PLXNC1: variants seen among roughly 807,000 people sequenced by gnomAD.
PLXNC1 encodes plexin-C1.
PLXNC1 carries 75 observed loss-of-function variants against 178.2 expected under a neutral mutation model. That is an observed-to-expected ratio of 0.42 (90% CI 0.35 to 0.51). The LOEUF (loss-of-function observed/expected upper bound fraction) is 0.51, where lower values mean the gene tolerates loss of function less well. Ranked by LOEUF, PLXNC1 falls within the 20% of genes least tolerant of loss-of-function variation. PLXNC1 has a pLI of 0.02. For synonymous variants in PLXNC1, 790 were observed against 779.9 expected (o/e 1.01, Z -0.22); for missense variants, 1,503 against 1,984.4 (o/e 0.76, Z 4.61).
intron 4 of PLXNC1, chr12:94,186,711 CA>C: frequency 2.2e-6 from 1 of 453,120 alleles, no homozygotes; most frequent in South Asian, 2.3e-5. Flanking sequence ...GGCAGGTGTG[CA>C]GCCTTCAGGA....
chr12:94,219,934 A>T, intron 5 of PLXNC1, 82 bp from the exon 6 acceptor site: 1 of 1,300,498 alleles, frequency 7.7e-7, no homozygotes, highest in Non-Finnish European at 1.1e-6. Flanking sequence ...TGGCAGGTCA[A>T]AGGGTGAGAT....
chr12:94,149,461 G>A lies in PLXNC1; in HGVS notation c.490G>A (p.Gly164Ser), dbSNP rs1960860742. Residue 164 changes from glycine (G) to serine (S), a missense_variant, in exon 1 of 31, where the codon GGC (glycine) becomes AGC (serine). By Grantham distance (56) the Gly-to-Ser change is moderately conservative. This residue lies in a region of PLXNC1 where 73 missense variants were observed against 125.4 expected (regional missense o/e 0.58). Transcript: ENST00000258526. ...VSCHPQGSTA[G>S]VVYRAGRNNR... ...GTGCCACCCGCAGGGCTCGACGGCC[G>A]GCGTGGTGTACCGCGCGGGCCGGAA... 2.7e-6 allele frequency: 4 copies of A among 1,472,162 alleles called. No individual in the cohort carries two copies. The highest frequency in any genetic ancestry group is 3.6e-6 in the Non-Finnish European group (4 of 1,120,106). 91.2% of individuals were successfully genotyped at this position (1,472,162 alleles called of 1,614,324 possible). A position where few individuals can be genotyped will look rare whatever the true frequency, so the allele number is the denominator to read the frequency against.
At chr12:94,300,832 G>A (rs966505663) in intron 27 of PLXNC1, 78 bp from the exon 28 acceptor site, 97 of 1,397,462 alleles carry the variant, frequency 6.9e-5, no homozygotes, top group African/African-American at 2.7e-4. Flanking sequence ...AAAAACACCC[G>A]TTTACAAACT....
chr12:94,162,816 A>G (rs1385484608), intron 1 of PLXNC1, among the ~76,000 whole-genome samples: 4 of 152,160 alleles, frequency 2.6e-5, no homozygotes, highest in African/African-American at 9.7e-5. Context: ...ATTTGTCAGC[A>G]CCTCTGAAAC....
At position 94,305,213 on chromosome 12, in the gene PLXNC1, G is replaced by A. The variant is rs1968880599; in HGVS notation, c.4635G>A (p.Leu1545=). The A allele has an allele frequency of 6.2e-7, 1 of 1,610,416 alleles. No homozygotes were observed. Among genetic ancestry groups the A allele is most frequent in the Non-Finnish European group, 8.5e-7 (1 of 1,177,386 alleles). Residue 1545 remains leucine (L), a synonymous_variant, in exon 31 of 31, where the codon CTG becomes CTA. Coordinates refer to ENST00000258526, the MANE Select transcript of PLXNC1 (RefSeq NM_005761.3). ...ILNKLERERG[L]EEAQKQLLHV... ...ATAAACTAGAAAGAGAACGAGGGCT[G>A]GAAGAAGCTCAGAAACAACTCTTGC...
intron 5 of PLXNC1, among the ~76,000 whole-genome samples, chr12:94,217,814 C>A (rs979515342): frequency 1.3e-5 from 2 of 152,202 alleles, no homozygotes. Flanking sequence ...TATACTTCTA[C>A]TAGTCTATAA....
At chr12:94,278,016 T>G (rs905548982) in intron 21 of PLXNC1, 6 of 456,008 alleles carry the variant, frequency 1.3e-5, no homozygotes, top group Non-Finnish European at 2.2e-5. Flanking sequence ...ACCTGGCTAG[T>G]GTCCACAGTA....
At chr12:94,252,941 G>A (rs776577309) in intron 15 of PLXNC1, among the ~76,000 whole-genome samples, 1 of 152,148 alleles carries the variant, frequency 6.6e-6, no homozygotes, top group East Asian at 1.9e-4. Flanking sequence ...GGCTGGGCCC[G>A]GTGGCTCATG....
chr12:94,244,252 C>T (rs190737938), intron 12 of PLXNC1, among the ~76,000 whole-genome samples: 8 of 152,242 alleles, frequency 5.3e-5, no homozygotes, highest in Admixed American at 2.6e-4. Flanking sequence ...GAACTTGGTA[C>T]GATAAGACCT....
chr12:94,257,511 A>C (rs1964877349), intron 17 of PLXNC1, among the ~76,000 whole-genome samples: 1 of 152,116 alleles, frequency 6.6e-6, no homozygotes, highest in Admixed American at 6.5e-5. Flanking sequence ...CGGTGGCTCA[A>C]GCCTGTAATC....
chr12:94,281,410 C>T (rs1308762273), intron 22 of PLXNC1, among the ~76,000 whole-genome samples: 2 of 152,150 alleles, frequency 1.3e-5, no homozygotes, highest in African/African-American at 2.4e-5. Context: ...GTGTCAGCCG[C>T]CTGGGACTAC....
chr12:94,290,531 C>T (rs1237465117), intron 23 of PLXNC1, among the ~76,000 whole-genome samples: 1 of 152,212 alleles, frequency 6.6e-6, no homozygotes, highest in Non-Finnish European at 1.5e-5. Context: ...CACCCCACCA[C>T]CAAGATATCA....
chr12:94,295,907 A>G (rs950089515), intron 24 of PLXNC1, among the ~76,000 whole-genome samples: 2 of 152,150 alleles, frequency 1.3e-5, no homozygotes, highest in Admixed American at 1.3e-4. Flanking sequence ...TGCACTCTTT[A>G]CAGAGAAAAC....
At position 94,148,896 on chromosome 12, in the gene PLXNC1, C is replaced by T; in HGVS notation, c.-76C>T. 1 of 362,902 alleles carries T rather than the reference C, an allele frequency of 2.8e-6. No homozygotes were observed. The highest frequency in any genetic ancestry group is 3.9e-6 in the Non-Finnish European group (1 of 256,356). 22.5% of individuals were successfully genotyped at this position (362,902 alleles called of 1,614,324 possible). On this transcript the variant is annotated 5_prime_UTR_variant, in exon 1 of 31. Coordinates refer to ENST00000258526, the MANE Select transcript of PLXNC1 (RefSeq NM_005761.3). This position sits in a 1 kb window ranked among gnomAD's most constrained non-coding sequence, Gnocchi z 4.8. ...CGCGCAGGAACCGCCGCCGCCGCCG[C>T]CCGCGTCTCCGTTGCCGCGCGCCTG...
intron 6 of PLXNC1, among the ~76,000 whole-genome samples, chr12:94,222,397 C>T (rs1963821433): frequency 6.6e-6 from 1 of 152,104 alleles, no homozygotes; most frequent in African/African-American, 2.4e-5. Flanking sequence ...GAATGGCTTC[C>T]CCCTTTCACA....
At chr12:94,303,624 T>C (rs981561663) in intron 28 of PLXNC1, 132 bp from the exon 29 acceptor site, 2 of 697,714 alleles carry the variant, frequency 2.9e-6, no homozygotes, top group Non-Finnish European at 2.2e-6. Flanking sequence ...CATGAAGCCT[T>C]GTTAGCAAGA....
Position 94,259,634 on chromosome 12 carries a change from G to GA in PLXNC1, c.3154dup (p.Ser1052LysfsTer11). 1 of 1,609,092 alleles carries GA rather than the reference G, an allele frequency of 6.2e-7. No individual in the cohort carries two copies. Among genetic ancestry groups the GA allele is most frequent in the Non-Finnish European group, 8.5e-7 (1 of 1,177,134 alleles). ...GAACAGAGACGCCAACGACAAGAATGAAAGTCTCACAGCTTTGGATGCCCT... is the reference window on the plus strand; with the variant it reads ...GAACAGAGACGCCAACGACAAGAATGAAAAGTCTCACAGCTTTGGATGCCCT... On this transcript the variant is annotated frameshift_variant, in exon 19 of 31. Coordinates refer to ENST00000258526, the MANE Select transcript of PLXNC1 (RefSeq NM_005761.3). LOFTEE classifies it high-confidence loss of function.
At chr12:94,210,153 A>G (rs1275491101) in intron 5 of PLXNC1, among the ~76,000 whole-genome samples, 1 of 152,208 alleles carries the variant, frequency 6.6e-6, no homozygotes, top group African/African-American at 2.4e-5. Flanking sequence ...CCCAGTAACC[A>G]TCTTATGAAC....
intron 1 of PLXNC1, among the ~76,000 whole-genome samples, chr12:94,160,216 G>A (rs1194543198): frequency 6.6e-6 from 1 of 152,080 alleles, no homozygotes; most frequent in African/African-American, 2.4e-5. Flanking sequence ...TCTTTCCCAG[G>A]CATCTATCAG....
Sources: allele counts gnomAD v4.1 joint callset (sites outside exome capture counted in the v4.1 genomes callset), GRCh38; gene constraint gnomAD v4.1.1; regional missense constraint gnomAD v4.1.1; non-coding constraint Gnocchi (gnomAD v3.1); transcripts MANE v1.5; gene names NCBI Gene and HGNC (gene_info 2026-07-23, HGNC 2026-07-21).